KPNA7: variants seen among roughly 807,000 people sequenced by gnomAD.
KPNA7 encodes importin subunit alpha-8.
Under a neutral mutation model 53.7 loss-of-function variants are expected in KPNA7, and 54 were observed. The observed-to-expected ratio is 1.01, with a 90% CI of 0.81 to 1.26. KPNA7 has a LOEUF of 1.26. Ranked by LOEUF, KPNA7 falls within the 50% of genes most tolerant of loss-of-function variation. KPNA7 has a pLI of 0.00. For synonymous variants in KPNA7, 276 were observed against 259.3 expected, an observed-to-expected ratio of 1.06 and a Z score of -0.62; for missense variants, 640 against 644.5, an observed-to-expected ratio of 0.99 and a Z score of 0.07.
chr7:99,193,891 T>G (rs1790093146), intron 5 of KPNA7, among the ~76,000 whole-genome samples: 1 of 152,144 alleles, frequency 6.6e-6, no homozygotes, highest in African/African-American at 2.4e-5. Context: ...TTGCCCAGGC[T>G]GGTCTCAAAC....
chr7:99,194,428 G>A (rs1790124041), intron 5 of KPNA7, among the ~76,000 whole-genome samples: 1 of 152,148 alleles, frequency 6.6e-6, no homozygotes. Context: ...CCCGAGTTAT[G>A]TAAGGGTCTA....
chr7:99,175,485 CTTTATTTA>C (rs113345297), intron 10 of KPNA7, among the ~76,000 whole-genome samples: 17,662 of 145,284 alleles, frequency 0.12, 1,140 homozygotes, highest in Non-Finnish European at 0.13. Flanking sequence ...GGCTTGAGAG[CTTTATTTA>C]TTTATTTATT....
At chr7:99,186,495 C>T (rs1789599258) in intron 7 of KPNA7, among the ~76,000 whole-genome samples, 1 of 152,138 alleles carries the variant, frequency 6.6e-6, no homozygotes, top group Non-Finnish European at 1.5e-5. Flanking sequence ...TTTACTTCTC[C>T]ACTTTGGGAG....
chr7:99,210,909 A>C (rs1306505944), upstream of KPNA7, among the ~76,000 whole-genome samples: 1 of 152,048 alleles, frequency 6.6e-6, no homozygotes, highest in Non-Finnish European at 1.5e-5. Context: ...TTCACAAGGC[A>C]GCAGGGAATA....
At chr7:99,164,523 G>A in the KPNA7 span, among the ~76,000 whole-genome samples, 3 of 152,116 alleles carry the variant, frequency 2.0e-5, no homozygotes, top group South Asian at 2.1e-4. Flanking sequence ...GCATTAGGAG[G>A]TATACCTAAT....
chr7:99,193,098 TC>T lies in KPNA7; in HGVS notation c.556del (p.Asp186MetfsTer19), dbSNP rs1388108761. ...GACGTTATCTCTGAACTCTGGGCCA[TC>T]ACCTACAAATAGAGCAGAATGTGAC... ...AVWALGNIAG[D>X]GPEFRDNVIT... On this transcript the variant is annotated frameshift_variant and splice_region_variant, in exon 6 of 11. Transcript: ENST00000327442. LOFTEE classifies it high-confidence loss of function. 8 of 1,487,656 alleles carry T rather than the reference TC, an allele frequency of 5.4e-6. No homozygotes were observed. The highest frequency in any genetic ancestry group is 7.1e-6 in the Non-Finnish European group (8 of 1,120,358). 92.2% of individuals were successfully genotyped at this position (1,487,656 alleles called of 1,614,324 possible). A position where few individuals can be genotyped will look rare whatever the true frequency, so the allele number is the denominator to read the frequency against.
chr7:99,173,087 A>G (rs932393956), downstream of KPNA7, among the ~76,000 whole-genome samples: 2 of 149,922 alleles, frequency 1.3e-5, no homozygotes, highest in Admixed American at 6.7e-5. Context: ...AAAAAAAAGA[A>G]AAAGAAAAAG....
the KPNA7 span, among the ~76,000 whole-genome samples, chr7:99,158,786 G>A: frequency 1.2e-3 from 179 of 152,242 alleles, no homozygotes; most frequent in Admixed American, 5.1e-3. Flanking sequence ...ACAGGTGTGA[G>A]CTACCACACT....
chr7:99,161,643 T>C, the KPNA7 span, among the ~76,000 whole-genome samples: 2 of 152,208 alleles, frequency 1.3e-5, no homozygotes, highest in African/African-American at 4.8e-5. Flanking sequence ...TATTAGTGAT[T>C]CCCTGTCTGC....
intron 3 of KPNA7, among the ~76,000 whole-genome samples, chr7:99,201,985 G>C (rs575049264): frequency 1.3e-5 from 2 of 152,240 alleles, no homozygotes; most frequent in African/African-American, 4.8e-5. Flanking sequence ...TAGGACTACA[G>C]GTGTGAACCA....
At chr7:99,160,972 T>TGCCTCAGCCTCCC in the KPNA7 span, among the ~76,000 whole-genome samples, 1 of 152,262 alleles carries the variant, frequency 6.6e-6, no homozygotes, top group South Asian at 2.1e-4. Context: ...GCTATCCTCC[T>TGCCTCAGCCTCCC]GCCTCAGCCT....
chr7:99,161,268 T>TCTCTCTCTCTCTCTCTCTCTCTCCCC, the KPNA7 span, among the ~76,000 whole-genome samples: 11 of 123,092 alleles, frequency 8.9e-5, no homozygotes, highest in African/African-American at 3.5e-4. Flanking sequence ...TCTCTCTCTC[T>TCTCTCTCTCTCTCTCTCTCTCTCCCC]CTGATCACTT....
At chr7:99,203,024 G>T in intron 3 of KPNA7, 82 bp downstream of exon 3, 1 of 1,476,474 alleles carries the variant, frequency 6.8e-7, no homozygotes. Context: ...TGCAAGTTCT[G>T]AATCTATTAA....
rs561384442 is a variant in KPNA7 at position 99,177,425 on chromosome 7, A to T, written c.1464+495T>A. 5.9e-3 allele frequency among the ~76,000 whole-genome samples: 904 copies of T among 152,210 alleles called. 5 individuals carry two copies. The highest frequency in any genetic ancestry group is 0.021 in the African/African-American group (881 of 41,540). ...CAGGGAAACCCTGTCTCTACTAAAG[A>T]TTAGCTGGGCGTCGTAGTACATCTC... is the stretch of plus-strand genomic sequence containing the variant. On this transcript the variant is annotated intron_variant, in intron 10 of 10. Coordinates refer to ENST00000327442, the MANE Select transcript of KPNA7 (RefSeq NM_001145715.3).
intron 3 of KPNA7, among the ~76,000 whole-genome samples, chr7:99,196,852 G>A (rs1790253563): frequency 6.6e-6 from 1 of 152,182 alleles, no homozygotes; most frequent in Non-Finnish European, 1.5e-5. Flanking sequence ...TTTTGACTCA[G>A]AGCTTAGTCA....
At position 99,173,810 on chromosome 7, in the gene KPNA7, G is replaced by A; in HGVS notation, c.1465-16C>T. The A allele has an allele frequency of 6.9e-7, 1 of 1,443,704 alleles. No individual in the cohort carries two copies. The highest frequency in any genetic ancestry group is 9.5e-7 in the Non-Finnish European group (1 of 1,048,960). The allele number at this position is 1,443,704 out of a possible 1,614,324, so 89.4% of individuals were successfully genotyped here. A position where few individuals can be genotyped will look rare whatever the true frequency, so the allele number is the denominator to read the frequency against. On this transcript the variant is annotated splice_polypyrimidine_tract_variant and intron_variant, in intron 10 of 10. Transcript: ENST00000327442. ...CATCTTCTTCCTTCAGGAGAGAATAGACACTGTTATACCTCCAGGATTCTC... is the reference window on the plus strand; with the variant it reads ...CATCTTCTTCCTTCAGGAGAGAATAAACACTGTTATACCTCCAGGATTCTC...
Position 99,192,752 on chromosome 7 carries a change from C to T in KPNA7, c.636+267G>A, listed in dbSNP as rs574368364. Among the ~76,000 whole-genome samples, 38 of 152,216 alleles carry T rather than the reference C, an allele frequency of 2.5e-4. No individual in the cohort carries two copies. In the Middle Eastern group the frequency reaches 0.014, roughly 54 times the overall value. ...GTTCTAAGAGGCCAGGCAGCAGCCA[C>T]ATGATCTAGCATTGGATTTGGAAGT... On this transcript the variant is annotated intron_variant, in intron 6 of 10. Coordinates refer to ENST00000327442, the MANE Select transcript of KPNA7 (RefSeq NM_001145715.3).
chr7:99,204,226 G>A (rs1790685846), intron 2 of KPNA7, among the ~76,000 whole-genome samples: 1 of 151,976 alleles, frequency 6.6e-6, no homozygotes. Flanking sequence ...CAAAAAATTA[G>A]CTGGGCATGG....
Position 99,177,999 on chromosome 7 carries a change from C to T in KPNA7, c.1385G>A (p.Arg462Lys). ...CTCATGCAGCTGTAAAGCCTCAATT[C>T]TATCGATCCCACCAAGTTCTTCTAT... ...LLIEELGGID[R>K]IEALQLHENR... Residue 462 changes from arginine (R) to lysine (K), a missense_variant, in exon 10 of 11, where the codon AGA becomes AAA. Transcript: ENST00000327442. The T allele has an allele frequency of 1.3e-6, 2 of 1,551,860 alleles. No individual in the cohort carries two copies. Among genetic ancestry groups the T allele is most frequent in the East Asian group, 2.4e-5 (1 of 40,918 alleles).
Sources: allele counts gnomAD v4.1 joint callset (sites outside exome capture counted in the v4.1 genomes callset), GRCh38; gene constraint gnomAD v4.1.1; transcripts MANE v1.5; gene names NCBI Gene and HGNC (gene_info 2026-07-23, HGNC 2026-07-21).